PLPPR5: variants seen among roughly 807,000 people sequenced by gnomAD.
PLPPR5 encodes the protein phospholipid phosphatase related 5.
A neutral mutation model predicts 33.9 loss-of-function variants in PLPPR5; 16 were observed. That is an observed-to-expected ratio of 0.47 (90% CI 0.32 to 0.72). The LOEUF (loss-of-function observed/expected upper bound fraction) is 0.72. Ranked by LOEUF, PLPPR5 falls within the 30% of genes least tolerant of loss-of-function variation. The pLI, the probability that PLPPR5 is intolerant of heterozygous loss-of-function variation, is 0.03. For synonymous variants in PLPPR5, 163 were observed against 150.3 expected (o/e 1.08, Z -0.62); for missense variants, 301 against 406.7 (o/e 0.74, Z 2.23).
chr1:98,958,578 C>A (rs762006718), intron 1 of PLPPR5, among the ~76,000 whole-genome samples: 11 of 152,058 alleles, frequency 7.2e-5, no homozygotes, highest in Non-Finnish European at 1.3e-4. Flanking sequence ...TGAAGTAGAG[C>A]GGATGTGTGA....
chr1:98,964,418 G>T (rs1296629272), intron 1 of PLPPR5, among the ~76,000 whole-genome samples: 2 of 152,110 alleles, frequency 1.3e-5, no homozygotes, highest in African/African-American at 2.4e-5. Context: ...GGCCTCCCAT[G>T]GATCAGCCTT....
intron 3 of PLPPR5, among the ~76,000 whole-genome samples, chr1:98,946,380 A>C (rs1331200388): frequency 6.6e-6 from 1 of 152,166 alleles, no homozygotes; most frequent in Non-Finnish European, 1.5e-5. Context: ...ATTGCTTTTT[A>C]ATTCAAGTCA....
intron 3 of PLPPR5, among the ~76,000 whole-genome samples, chr1:98,927,586 G>T (rs1423294169): frequency 6.6e-6 from 1 of 152,198 alleles, no homozygotes; most frequent in Admixed American, 6.5e-5. Flanking sequence ...CTTCTCTGCA[G>T]CCTGACTTAC....
chr1:99,004,698 G>C lies in PLPPR5; in HGVS notation c.-27C>G, dbSNP rs1455957193. The C allele has an allele frequency of 2.0e-6, 3 of 1,473,760 alleles. No individual in the cohort carries two copies. Among genetic ancestry groups the C allele is most frequent in the Non-Finnish European group, 2.7e-6 (3 of 1,103,504 alleles). The allele number at this position is 1,473,760 out of a possible 1,614,324, so 91.3% of individuals were successfully genotyped here. A position where few individuals can be genotyped will look rare whatever the true frequency, so the allele number is the denominator to read the frequency against. On this transcript the variant is annotated 5_prime_UTR_variant, in exon 1 of 6. Transcript: ENST00000263177. ...CACGCCTCCCGGGCCGGGCCGAGCC[G>C]AGCCGAGCGGGCGGTCGACGCGGTG...
At chr1:98,999,964 G>C (rs1056416900) in intron 1 of PLPPR5, among the ~76,000 whole-genome samples, 33 of 152,290 alleles carry the variant, frequency 2.2e-4, no homozygotes, top group African/African-American at 7.5e-4. Context: ...TGAAGATGGT[G>C]ATCTAGCTTC....
At chr1:98,955,689 A>G (rs1301710715) in intron 2 of PLPPR5, among the ~76,000 whole-genome samples, 1 of 152,104 alleles carries the variant, frequency 6.6e-6, no homozygotes, top group African/African-American at 2.4e-5. Context: ...TATGCATAAT[A>G]TCTTCAAAGT....
chr1:98,938,449 T>G (rs2101187735), intron 3 of PLPPR5, among the ~76,000 whole-genome samples: 1 of 149,138 alleles, frequency 6.7e-6, no homozygotes, highest in South Asian at 2.1e-4. Flanking sequence ...TATAGTATTT[T>G]TACTGGGTAA....
rs1651014100 is a variant in PLPPR5, at chr1:98,956,676, T to C, written c.303A>G (p.Glu101=). ...AACAGTCTCCAGTTAAAATAGTTTT[T>C]TCCTGGTTTTCAAAATCCCTTGTGG... ...QLATRDFENQ[E]KTILTGDCCY... The change falls in exon 2 of 6, where the codon GAA becomes GAG. Residue 101 remains glutamate, a synonymous_variant. Coordinates refer to ENST00000263177, the MANE Select transcript of PLPPR5 (RefSeq NM_001037317.2). 11 of 1,601,990 alleles carry C rather than the reference T, an allele frequency of 6.9e-6. No individual in the cohort carries two copies. Among genetic ancestry groups the C allele is most frequent in the Non-Finnish European group, 9.4e-6 (11 of 1,175,538 alleles).
At chr1:98,931,627 C>G (rs898307428) in intron 3 of PLPPR5, among the ~76,000 whole-genome samples, 3 of 152,080 alleles carry the variant, frequency 2.0e-5, no homozygotes, top group Non-Finnish European at 4.4e-5. Flanking sequence ...GACTACTTAC[C>G]TTCAAGAGCA....
At chr1:98,941,990 GTATA>G (rs59224131) in intron 3 of PLPPR5, among the ~76,000 whole-genome samples, 1,699 of 146,568 alleles carry the variant, frequency 0.012, 36 homozygotes, top group Non-Finnish European at 0.018. Flanking sequence ...ATATGTATAC[GTATA>G]TATATATATA....
At chr1:98,938,308 G>C (rs1353865388) in intron 3 of PLPPR5, among the ~76,000 whole-genome samples, 2 of 151,178 alleles carry the variant, frequency 1.3e-5, no homozygotes, top group African/African-American at 4.9e-5. Flanking sequence ...GCAAAGTATA[G>C]TATTTTATTT....
At chr1:98,966,746 G>A (rs1472934058) in intron 1 of PLPPR5, among the ~76,000 whole-genome samples, 1 of 152,164 alleles carries the variant, frequency 6.6e-6, no homozygotes, top group African/African-American at 2.4e-5. Context: ...TTAAAATGCA[G>A]ATACCAGAGG....
intron 4 of PLPPR5, 141 bp downstream of exon 4, chr1:98,921,741 G>T: frequency 1.5e-6 from 1 of 655,090 alleles, no homozygotes; most frequent in Non-Finnish European, 2.4e-6. Context: ...TGACTTAAAT[G>T]ATTTGTTTTA....
chr1:99,004,490 C>T lies in PLPPR5; in HGVS notation c.182G>A (p.Ser61Asn). 6.2e-7 allele frequency: 1 copy of T among 1,612,906 alleles called. No individual in the cohort carries two copies. ...GTAGAGGAGCACGGGGGGCACGGCG[C>T]TGCTGTCCTCCGGGCCCGGGTAGGG... ...RKPYPGPEDS[S>N]AVPPVLLYSL... Residue 61 changes from serine (S) to asparagine (N), a missense_variant, in exon 1 of 6, where the codon AGC (serine) becomes AAC (asparagine). By Grantham distance (46) the Ser-to-Asn change is conservative (BLOSUM62 1). Coordinates refer to ENST00000263177, the MANE Select transcript of PLPPR5 (RefSeq NM_001037317.2).
chr1:98,932,435 A>G (rs1650012500), intron 3 of PLPPR5, among the ~76,000 whole-genome samples: 1 of 152,200 alleles, frequency 6.6e-6, no homozygotes, highest in African/African-American at 2.4e-5. Context: ...TCAATGGGTG[A>G]ATAAATGAAC....
chr1:98,995,564 T>G (rs1307213369), intron 1 of PLPPR5, among the ~76,000 whole-genome samples: 1 of 152,090 alleles, frequency 6.6e-6, no homozygotes, highest in Non-Finnish European at 1.5e-5. Context: ...TAGTAAGGCC[T>G]GCACCCTCTC....
chr1:98,908,024 G>C (rs1648972971), intron 5 of PLPPR5, among the ~76,000 whole-genome samples: 1 of 152,192 alleles, frequency 6.6e-6, no homozygotes, highest in Non-Finnish European at 1.5e-5. Flanking sequence ...TCCAAGGACA[G>C]CTTCTTGTCT....
chr1:98,973,645 T>C (rs961716900), intron 1 of PLPPR5, among the ~76,000 whole-genome samples: 1 of 151,934 alleles, frequency 6.6e-6, no homozygotes, highest in Non-Finnish European at 1.5e-5. Flanking sequence ...AATCCAGAAC[T>C]GACCCAGGGA....
intron 3 of PLPPR5, among the ~76,000 whole-genome samples, chr1:98,930,655 G>A (rs1023462825): frequency 1.1e-4 from 16 of 152,118 alleles, no homozygotes; most frequent in African/African-American, 3.6e-4. Context: ...TAATGACAGT[G>A]TGACATTTCA....
Sources: gnomAD v4.1 joint callset for allele counts (sites outside exome capture counted in the v4.1 genomes callset) on GRCh38, gnomAD v4.1.1 for gene constraint, MANE v1.5 for transcripts, NCBI Gene and HGNC (gene_info 2026-07-23, HGNC 2026-07-21) for gene names.